Variants in GTF2IRD1 observed in about 807,000 individuals in gnomAD.
GTF2IRD1 encodes general transcription factor II-I repeat domain-containing protein 1.
GTF2IRD1 carries 26 observed loss-of-function variants against 113.2 expected under a neutral mutation model. The observed-to-expected ratio is 0.23, with a 90% CI of 0.17 to 0.32. The LOEUF is 0.32. Among genes scored for constraint, GTF2IRD1 ranks in the 10% least tolerant of loss-of-function variants. GTF2IRD1 has a pLI of 1.00. For missense variants in GTF2IRD1, 864 were observed against 1,280.8 expected (o/e 0.67, Z 4.97); for synonymous variants, 484 against 529.1 (o/e 0.91, Z 1.17).
intron 22 of GTF2IRD1, among the ~76,000 whole-genome samples, chr7:74,578,483 T>C (rs1801214292): frequency 6.6e-6 from 1 of 152,200 alleles, no homozygotes. Flanking sequence ...GCCTATAATT[T>C]TACTTTTATG....
intron 22 of GTF2IRD1, among the ~76,000 whole-genome samples, chr7:74,560,492 TA>T (rs1183208878): frequency 6.8e-6 from 1 of 146,678 alleles, no homozygotes; most frequent in African/African-American, 2.5e-5. Context: ...ATATATATAA[TA>T]AAAATATTAT....
Position 74,555,048 on chromosome 7 carries a change from C to A in GTF2IRD1, c.1917-126C>A. ...CATGTGGGGCGGCAGGGACTCCAGG[C>A]CTGAACTATGCATAGCCAGAAGGGT... is the stretch of plus-strand genomic sequence containing the variant. On this transcript the variant is annotated intron_variant, in intron 17 of 26. Transcript: ENST00000424337. The surrounding 1 kb of genome is among the most constrained non-coding windows in gnomAD (Gnocchi z 5.3). The A allele has an allele frequency of 2.4e-6, 2 of 838,140 alleles. No homozygotes were observed. Among genetic ancestry groups the A allele is most frequent in the Non-Finnish European group, 3.8e-6 (2 of 529,864 alleles). The allele number at this position is 838,140 out of a possible 1,614,324, so 51.9% of individuals were successfully genotyped here.
chr7:74,459,795 C>T (rs1321069950), intron 1 of GTF2IRD1, among the ~76,000 whole-genome samples: 2 of 152,066 alleles, frequency 1.3e-5, no homozygotes, highest in Admixed American at 6.6e-5. Context: ...GGAGGTCTTG[C>T]ATTTTATCTG....
At chr7:74,599,458 T>G (rs1360165739) in intron 25 of GTF2IRD1, among the ~76,000 whole-genome samples, 2 of 152,090 alleles carry the variant, frequency 1.3e-5, no homozygotes, top group Non-Finnish European at 2.9e-5. Flanking sequence ...CATGCGGTGT[T>G]TTTTGAGTCT....
chr7:74,463,716 CTGT>C (rs1219061010), intron 1 of GTF2IRD1, among the ~76,000 whole-genome samples: 1 of 150,182 alleles, frequency 6.7e-6, no homozygotes, highest in Non-Finnish European at 1.5e-5. Context: ...AGTAGGACCA[CTGT>C]TGTTTTTTGT....
intron 10 of GTF2IRD1, among the ~76,000 whole-genome samples, chr7:74,535,459 T>A (rs1798237633): frequency 6.6e-6 from 1 of 152,158 alleles, no homozygotes; most frequent in South Asian, 2.1e-4. Flanking sequence ...TTTAATCTGA[T>A]TCCAACAATC....
intron 8 of GTF2IRD1, among the ~76,000 whole-genome samples, chr7:74,525,480 TG>T (rs782091182): frequency 3.9e-5 from 6 of 152,108 alleles, no homozygotes; most frequent in Non-Finnish European, 8.8e-5. Context: ...TGGTAGGCGC[TG>T]TGGCTCATGC....
intron 1 of GTF2IRD1, among the ~76,000 whole-genome samples, chr7:74,499,425 G>C (rs1795903592): frequency 6.6e-6 from 1 of 151,430 alleles, no homozygotes; most frequent in Non-Finnish European, 1.5e-5. Flanking sequence ...GGAAGGAAGA[G>C]AAGGGAGTGG....
rs1798371477 is a variant in GTF2IRD1 at position 74,537,529 on chromosome 7, T to C, written c.1410-607T>C. On this transcript the variant is annotated intron_variant, in intron 11 of 26. Transcript: ENST00000424337. ...CATACATACATACCAACACCAGGTC[T>C]GATGCCTGTCCTGAGTGCCCACCAG... 5.3e-5 allele frequency among the ~76,000 whole-genome samples: 8 copies of C among 152,038 alleles called. 2 individuals are homozygous for C. The South Asian group carries it at 1.7e-3, about 32-fold the overall frequency.
At chr7:74,455,928 G>A (rs782041569) in intron 1 of GTF2IRD1, among the ~76,000 whole-genome samples, 3 of 152,188 alleles carry the variant, frequency 2.0e-5, no homozygotes, top group African/African-American at 4.8e-5. Flanking sequence ...ACTTAAGGCC[G>A]ATGGTTGTAA....
chr7:74,500,485 G>A (rs970542048), intron 1 of GTF2IRD1, among the ~76,000 whole-genome samples: 84 of 151,750 alleles, frequency 5.5e-4, no homozygotes, highest in Middle Eastern at 6.4e-3. Flanking sequence ...GGAGAGCTGT[G>A]ACATTTGTTT....
At chr7:74,523,845 C>T (rs587656549) in intron 7 of GTF2IRD1, among the ~76,000 whole-genome samples, 1 of 152,316 alleles carries the variant, frequency 6.6e-6, no homozygotes, top group Non-Finnish European at 1.5e-5. Flanking sequence ...TGACACCACA[C>T]CCGTGGGAGA....
At chr7:74,536,084 C>T in intron 10 of GTF2IRD1, 83 bp from the exon 11 acceptor site, 1 of 879,194 alleles carries the variant, frequency 1.1e-6, no homozygotes, top group Non-Finnish European at 1.9e-6. Flanking sequence ...CCCCCAGCTT[C>T]ACACACAGAC....
chr7:74,553,881 C>A (rs1353428240), intron 17 of GTF2IRD1, among the ~76,000 whole-genome samples: 3 of 152,186 alleles, frequency 2.0e-5, no homozygotes, highest in African/African-American at 7.2e-5. Flanking sequence ...TAAATGCAGT[C>A]CGAAGCCTTT....
intron 4 of GTF2IRD1, 58 bp downstream of exon 4, chr7:74,515,654 C>A: frequency 6.6e-7 from 1 of 1,524,122 alleles, no homozygotes; most frequent in East Asian, 2.3e-5. Context: ...CCTCGGTCCC[C>A]ACCCAGCAGA....
intron 17 of GTF2IRD1, among the ~76,000 whole-genome samples, chr7:74,554,748 G>C (rs2130744777): frequency 6.6e-6 from 1 of 152,246 alleles, no homozygotes; most frequent in South Asian, 2.1e-4. Context: ...ATGTTGGCCA[G>C]GCTGGTCTCA....
chr7:74,500,675 G>A (rs576426412), intron 1 of GTF2IRD1, among the ~76,000 whole-genome samples: 4 of 152,192 alleles, frequency 2.6e-5, no homozygotes, highest in East Asian at 3.9e-4. Context: ...ACGCACACCC[G>A]TCGCATTTGC....
intron 1 of GTF2IRD1, among the ~76,000 whole-genome samples, chr7:74,463,809 C>T (rs1166993902): frequency 3.3e-5 from 5 of 151,984 alleles, no homozygotes; most frequent in African/African-American, 1.2e-4. Context: ...CTACAACCTC[C>T]GCCTCCCGGG....
At position 74,555,733 on chromosome 7, in the gene GTF2IRD1, G is replaced by GC. The variant is rs1554356641; in HGVS notation, c.2023+244dup. ...GTCGGGGGAGCCCAGGAGCCTGCCT[G>GC]CCCCCTCCCTGCCCCACCCCCCAGA... On this transcript the variant is annotated intron_variant, in intron 19 of 26. Transcript: ENST00000424337. This position sits in a 1 kb window ranked among gnomAD's most constrained non-coding sequence, Gnocchi z 5.3. Among the ~76,000 whole-genome samples the GC allele has an allele frequency of 6.6e-6, 1 of 152,000 alleles. No homozygotes were observed. Among genetic ancestry groups the GC allele is most frequent in the African/African-American group, 2.4e-5 (1 of 41,386 alleles).
Sources: gnomAD v4.1 joint callset for allele counts (sites outside exome capture counted in the v4.1 genomes callset) on GRCh38, gnomAD v4.1.1 for gene constraint, Gnocchi (gnomAD v3.1) non-coding constraint, MANE v1.5 for transcripts, NCBI Gene and HGNC (gene_info 2026-07-23, HGNC 2026-07-21) for gene names.